The following DAB2IP variants were observed in gnomAD, a reference collection of about 807,000 sequenced individuals.
DAB2IP encodes the protein DAB2 interacting protein.
In DAB2IP, 28 loss-of-function variants were observed where a neutral mutation model predicts 107.2. The observed-to-expected ratio is 0.26, with a 90% CI of 0.19 to 0.36. DAB2IP has a LOEUF of 0.36. DAB2IP is among the 10% of genes least tolerant of loss of function. The probability of loss-of-function intolerance (pLI) is 1.00; values close to 1 mark genes in which losing one functional copy is unlikely to be tolerated. For synonymous variants in DAB2IP, 755 were observed against 706.4 expected, an observed-to-expected ratio of 1.07 and a Z score of -1.09; for missense variants, 1,400 against 1,644.7, an observed-to-expected ratio of 0.85 and a Z score of 2.57.
At chr9:121,664,659 T>C (rs936076515) in intron 1 of DAB2IP, among the ~76,000 whole-genome samples, 2 of 152,236 alleles carry the variant, frequency 1.3e-5, no homozygotes, top group African/African-American at 4.8e-5. Flanking sequence ...GATTTTACTT[T>C]ACTTGCAGCT....
At chr9:121,709,900 C>A (rs764273252) in intron 3 of DAB2IP, among the ~76,000 whole-genome samples, 3 of 152,172 alleles carry the variant, frequency 2.0e-5, no homozygotes, top group Admixed American at 1.3e-4. Flanking sequence ...ACAGCCAGGG[C>A]CCTCTCTAGT....
chr9:121,764,424 C>G (rs941047111), intron 8 of DAB2IP, among the ~76,000 whole-genome samples: 3 of 152,252 alleles, frequency 2.0e-5, no homozygotes, highest in Non-Finnish European at 2.9e-5. Flanking sequence ...CAGTGGGCTG[C>G]TTAGACAGGC....
exon 16 of DAB2IP, chr9:121,783,703 C>G: frequency 2.0e-6 from 2 of 1,009,472 alleles, no homozygotes; most frequent in Non-Finnish European, 3.1e-6. Flanking sequence ...CCGGCCTCCT[C>G]CTCACCCTTC....
chr9:121,733,490 A>G (rs1176600943), intron 3 of DAB2IP, among the ~76,000 whole-genome samples: 1 of 152,204 alleles, frequency 6.6e-6, no homozygotes, highest in Non-Finnish European at 1.5e-5. Flanking sequence ...CTGAAAGAAG[A>G]TAAGACAGGA....
At chr9:121,711,157 C>T (rs1830319028) in intron 3 of DAB2IP, among the ~76,000 whole-genome samples, 1 of 152,192 alleles carries the variant, frequency 6.6e-6, no homozygotes, top group Non-Finnish European at 1.5e-5. Flanking sequence ...ACCTCTGCTG[C>T]TTATTGTTCA....
intron 4 of DAB2IP, among the ~76,000 whole-genome samples, chr9:121,758,648 TGAGGAGC>T (rs1833660640): frequency 6.6e-6 from 1 of 151,926 alleles, no homozygotes; most frequent in Non-Finnish European, 1.5e-5. Context: ...GAGGGACGAG[TGAGGAGC>T]CTGCTCGTGC....
At chr9:121,770,659 G>A (rs371535507) in exon 11 of DAB2IP, 59 of 1,614,042 alleles carry the variant, frequency 3.7e-5, no homozygotes, top group Non-Finnish European at 4.5e-5. Flanking sequence ...CCTCCACACC[G>A]GGCTCTGGCA....
intron 14 of DAB2IP, 26 bp from the exon 15 acceptor site, chr9:121,781,438 C>G (rs550953292): frequency 1.2e-6 from 2 of 1,612,592 alleles, no homozygotes; most frequent in South Asian, 2.2e-5. Flanking sequence ...CAGGGCCAGT[C>G]TGACTGTCTC....
chr9:121,672,033 A>C (rs1833704316), intron 1 of DAB2IP, among the ~76,000 whole-genome samples: 1 of 152,224 alleles, frequency 6.6e-6, no homozygotes, highest in Non-Finnish European at 1.5e-5. Context: ...TCACTCCATC[A>C]GCAGTGATGA....
chr9:121,779,671 G>T (rs1479278224), intron 14 of DAB2IP, among the ~76,000 whole-genome samples: 1 of 152,200 alleles, frequency 6.6e-6, no homozygotes, highest in Non-Finnish European at 1.5e-5. Flanking sequence ...CCCAGTGTTG[G>T]TGCGTCACTG....
Position 121,699,395 on chromosome 9 carries a change from A to C in DAB2IP, c.299A>C (p.His100Pro). The change falls in exon 3 of 16, where the codon CAC becomes CCC. Residue 100 changes from histidine to proline, a missense_variant. By Grantham distance (77) the His-to-Pro change is moderately conservative (BLOSUM62 -2). Coordinates refer to ENST00000408936, the Ensembl canonical transcript of DAB2IP. The surrounding 1 kb of genome is among the most constrained non-coding windows in gnomAD (Gnocchi z 6.2). ...AGCCAGCCCAAGCTGGACCGCAACC[A>C]CAGCTTCCGCCACATCCTGCCGGGG... 6.8e-7 allele frequency: 1 copy of C among 1,467,400 alleles called. No homozygotes were observed. Among genetic ancestry groups the C allele is most frequent in the Non-Finnish European group, 9.1e-7 (1 of 1,099,216 alleles). The allele number at this position is 1,467,400 out of a possible 1,614,324, so 90.9% of individuals were successfully genotyped here.
intron 1 of DAB2IP, among the ~76,000 whole-genome samples, chr9:121,622,746 C>A (rs1246028884): frequency 6.6e-6 from 1 of 152,148 alleles, no homozygotes. Flanking sequence ...CACCACCACC[C>A]CACCCCCTGC....
At chr9:121,618,793 G>T (rs1300711950) in intron 1 of DAB2IP, among the ~76,000 whole-genome samples, 1 of 152,174 alleles carries the variant, frequency 6.6e-6, no homozygotes, top group Non-Finnish European at 1.5e-5. Context: ...CCACCTCTTG[G>T]CTCAGCAGAA....
intron 1 of DAB2IP, among the ~76,000 whole-genome samples, chr9:121,674,954 T>C (rs1266684024): frequency 6.6e-6 from 1 of 152,028 alleles, no homozygotes; most frequent in Non-Finnish European, 1.5e-5. Flanking sequence ...TCCAGCTGCT[T>C]TTGTCCTGGT....
At chr9:121,735,544 G>A (rs1051355058) in intron 3 of DAB2IP, among the ~76,000 whole-genome samples, 2 of 152,206 alleles carry the variant, frequency 1.3e-5, no homozygotes, top group Admixed American at 6.5e-5. Context: ...TGGAGGATGC[G>A]AGGAGCTGGG....
chr9:121,716,131 T>G (rs1284124392), intron 3 of DAB2IP, among the ~76,000 whole-genome samples: 1 of 152,200 alleles, frequency 6.6e-6, no homozygotes, highest in Non-Finnish European at 1.5e-5. Context: ...TGAGACCCAC[T>G]CAAGTGTTGA....
At chr9:121,697,460 G>A (rs1228495819) in intron 2 of DAB2IP, among the ~76,000 whole-genome samples, 1 of 152,184 alleles carries the variant, frequency 6.6e-6, no homozygotes, top group Non-Finnish European at 1.5e-5. Context: ...CAGAGTTTGG[G>A]AGAGCTCAGA....
At chr9:121,700,031 G>A (rs1829684337) in intron 3 of DAB2IP, among the ~76,000 whole-genome samples, 1 of 152,224 alleles carries the variant, frequency 6.6e-6, no homozygotes, top group Admixed American at 6.5e-5. Flanking sequence ...AGAGCGGGCA[G>A]TGCCCAGGCC....
intron 1 of DAB2IP, among the ~76,000 whole-genome samples, chr9:121,574,355 G>A (rs534381167): frequency 6.6e-6 from 1 of 152,194 alleles, no homozygotes; most frequent in East Asian, 1.9e-4. Context: ...TAGCCTGCCT[G>A]GAATGGGGAA....
Sources: allele counts gnomAD v4.1 joint callset (sites outside exome capture counted in the v4.1 genomes callset), GRCh38; gene constraint gnomAD v4.1.1; non-coding constraint Gnocchi (gnomAD v3.1); transcripts MANE v1.5; gene names NCBI Gene and HGNC (gene_info 2026-07-23, HGNC 2026-07-21).